Variants in CDH18 observed in about 807,000 individuals in gnomAD.
CDH18 encodes the protein cadherin-18.
CDH18 carries 31 observed loss-of-function variants against 67.9 expected under a neutral mutation model. That is an observed-to-expected ratio of 0.46 (90% CI 0.34 to 0.62). The LOEUF (loss-of-function observed/expected upper bound fraction) is 0.62, where lower values mean the gene tolerates loss of function less well. Among genes scored for constraint, CDH18 ranks in the 20% least tolerant of loss-of-function variants. The probability of loss-of-function intolerance (pLI) is 0.01; values close to 1 mark genes in which losing one functional copy is unlikely to be tolerated. For synonymous variants in CDH18, 362 were observed against 347.2 expected, an observed-to-expected ratio of 1.04 and a Z score of -0.48; for missense variants, 890 against 975.5, an observed-to-expected ratio of 0.91 and a Z score of 1.17.
At position 20,334,753 on chromosome 5, in the gene CDH18, TACACACACACACACAC is replaced by T. The variant is rs35282241; in HGVS notation, c.-579-79264_-579-79249del. Among the ~76,000 whole-genome samples, 3 of 138,348 alleles carry T rather than the reference TACACACACACACACAC, an allele frequency of 2.2e-5. No homozygotes were observed. In the Admixed American group the frequency reaches 2.2e-4, roughly 10 times the overall value. The allele number at this position is 138,348 out of a possible 152,430, so 90.8% of individuals were successfully genotyped here. On this transcript the variant is annotated intron_variant, in intron 1 of 14. Transcript: ENST00000507958. ...GATCTCTCTCTCTCTCTCTCTCTCA[TACACACACACACACAC>T]ACACACACACACACACACACACAAA...
intron 2 of CDH18, among the ~76,000 whole-genome samples, chr5:20,132,110 A>G (rs946796215): frequency 5.3e-5 from 8 of 152,068 alleles, no homozygotes; most frequent in Non-Finnish European, 1.0e-4. Flanking sequence ...GCTGGTGCCC[A>G]ACTCCCAACC....
At chr5:20,232,120 T>A (rs1742126021) in intron 2 of CDH18, among the ~76,000 whole-genome samples, 1 of 152,102 alleles carries the variant, frequency 6.6e-6, no homozygotes, top group Non-Finnish European at 1.5e-5. Context: ...ATTTGAAAGA[T>A]TGTTTCATTC....
At chr5:20,102,704 C>CA (rs1308748094) in intron 2 of CDH18, among the ~76,000 whole-genome samples, 1 of 151,978 alleles carries the variant, frequency 6.6e-6, no homozygotes, top group Non-Finnish European at 1.5e-5. Flanking sequence ...TGGGTATTTA[C>CA]AAACTGATAA....
At chr5:19,834,154 T>G (rs1447854581) in intron 3 of CDH18, among the ~76,000 whole-genome samples, 4 of 140,672 alleles carry the variant, frequency 2.8e-5, no homozygotes, top group Non-Finnish European at 6.1e-5. Flanking sequence ...GTCCTGGGAT[T>G]TTTTTTTTTT....
chr5:20,424,882 A>G (rs1748170755), intron 1 of CDH18, among the ~76,000 whole-genome samples: 1 of 150,214 alleles, frequency 6.7e-6, no homozygotes, highest in Non-Finnish European at 1.5e-5. Context: ...GAATGCAGTG[A>G]GCACATTCAT....
intron 1 of CDH18, among the ~76,000 whole-genome samples, chr5:20,569,171 A>G (rs1758672719): frequency 6.6e-6 from 1 of 152,210 alleles, no homozygotes; most frequent in Non-Finnish European, 1.5e-5. Context: ...TTCATATAAT[A>G]TTAGAACATG....
intron 2 of CDH18, among the ~76,000 whole-genome samples, chr5:20,038,199 C>T (rs995758767): frequency 2.6e-5 from 4 of 152,018 alleles, no homozygotes; most frequent in African/African-American, 9.7e-5. Flanking sequence ...GAAATTGAGG[C>T]AGTAATGAAT....
chr5:19,622,987 G>A (rs1479364878), intron 5 of CDH18, among the ~76,000 whole-genome samples: 1 of 152,124 alleles, frequency 6.6e-6, no homozygotes, highest in Admixed American at 6.6e-5. Context: ...TGGTTTTCTA[G>A]ATCAATTGCT....
chr5:20,515,204 A>G (rs1254817891), intron 1 of CDH18, among the ~76,000 whole-genome samples: 1 of 151,922 alleles, frequency 6.6e-6, no homozygotes, highest in African/African-American at 2.4e-5. Flanking sequence ...TGAATTCTTC[A>G]GTCAAATGTA....
intron 5 of CDH18, among the ~76,000 whole-genome samples, chr5:19,646,282 G>A (rs976838072): frequency 5.9e-5 from 9 of 151,842 alleles, no homozygotes; most frequent in African/African-American, 1.9e-4. Flanking sequence ...CACAGCCTAC[G>A]TGAGAAAAAA....
At chr5:20,108,753 T>C (rs1391277948) in intron 2 of CDH18, among the ~76,000 whole-genome samples, 5 of 152,166 alleles carry the variant, frequency 3.3e-5, no homozygotes, top group African/African-American at 1.2e-4. Context: ...TCTGCCATTA[T>C]CATCCTTATC....
At chr5:20,080,500 G>A (rs1385588458) in intron 2 of CDH18, among the ~76,000 whole-genome samples, 2 of 152,156 alleles carry the variant, frequency 1.3e-5, no homozygotes, top group Admixed American at 6.5e-5. Context: ...GATCACAAGA[G>A]TGTAGTGATC....
intron 7 of CDH18, among the ~76,000 whole-genome samples, chr5:19,572,986 C>T (rs1741700911): frequency 6.6e-6 from 1 of 152,254 alleles, no homozygotes; most frequent in African/African-American, 2.4e-5. Context: ...AATATCATTT[C>T]ATTTCCAAAC....
chr5:19,479,545 T>C (rs1739046522), intron 12 of CDH18, among the ~76,000 whole-genome samples: 1 of 152,180 alleles, frequency 6.6e-6, no homozygotes, highest in African/African-American at 2.4e-5. Context: ...AGTTATATAT[T>C]TTCACTAATT....
At chr5:19,568,832 G>A (rs375013762) in intron 8 of CDH18, among the ~76,000 whole-genome samples, 9 of 152,182 alleles carry the variant, frequency 5.9e-5, no homozygotes, top group East Asian at 3.9e-4. Context: ...TTATAGCAGC[G>A]TAAAGTGACT....
intron 4 of CDH18, among the ~76,000 whole-genome samples, chr5:19,722,870 T>G (rs1766292739): frequency 6.6e-6 from 1 of 152,156 alleles, no homozygotes; most frequent in African/African-American, 2.4e-5. Flanking sequence ...GCACTGACAA[T>G]TAATAGTTTT....
intron 1 of CDH18, among the ~76,000 whole-genome samples, chr5:20,485,376 C>A (rs1244901234): frequency 6.6e-6 from 1 of 152,116 alleles, no homozygotes; most frequent in East Asian, 1.9e-4. Context: ...ACAAAAGGGA[C>A]AGGACACCAT....
At chr5:19,979,794 A>G (rs1222707502) in intron 2 of CDH18, among the ~76,000 whole-genome samples, 2 of 152,128 alleles carry the variant, frequency 1.3e-5, no homozygotes, top group African/African-American at 4.8e-5. Flanking sequence ...TTTGTTTCTA[A>G]TAGCAGATTC....
intron 2 of CDH18, among the ~76,000 whole-genome samples, chr5:19,842,801 T>C (rs904387668): frequency 1.3e-5 from 2 of 152,068 alleles, no homozygotes; most frequent in South Asian, 2.1e-4. Flanking sequence ...CAAACACTGA[T>C]AATGGATAAT....
Sources: gnomAD v4.1 joint callset for allele counts (sites outside exome capture counted in the v4.1 genomes callset) on GRCh38, gnomAD v4.1.1 for gene constraint, MANE v1.5 for transcripts, NCBI Gene and HGNC (gene_info 2026-07-23, HGNC 2026-07-21) for gene names.